The following PRR16 variants were observed in gnomAD, a reference collection of about 807,000 sequenced individuals.
PRR16 encodes proline rich 16.
PRR16 carries 6 observed loss-of-function variants against 18.2 expected under a neutral mutation model. The observed-to-expected ratio is 0.33, with a 90% CI of 0.18 to 0.65. The LOEUF (loss-of-function observed/expected upper bound fraction) is 0.65, where lower values mean the gene tolerates loss of function less well. Ranked by LOEUF, PRR16 falls within the 30% of genes least tolerant of loss-of-function variation. The pLI is 0.74. For missense variants in PRR16, 412 were observed against 376.6 expected (o/e 1.09, Z -0.78); for synonymous variants, 151 against 147.8 (o/e 1.02, Z -0.16).
At chr5:120,667,313 T>A (rs1484686571) in intron 1 of PRR16, among the ~76,000 whole-genome samples, 1 of 146,880 alleles carries the variant, frequency 6.8e-6, no homozygotes, top group African/African-American at 2.6e-5. Context: ...CCCTTTATCA[T>A]TTTTTATTGT....
intron 1 of PRR16, among the ~76,000 whole-genome samples, chr5:120,544,423 G>A (rs1328171310): frequency 6.6e-6 from 1 of 152,022 alleles, no homozygotes; most frequent in Non-Finnish European, 1.5e-5. Context: ...TTCTATTTCA[G>A]TAGACTTCAA....
At chr5:120,568,204 G>A (rs2112730082) in intron 1 of PRR16, among the ~76,000 whole-genome samples, 1 of 152,252 alleles carries the variant, frequency 6.6e-6, no homozygotes, top group Admixed American at 6.5e-5. Flanking sequence ...ACCAGTGATT[G>A]CAAAGGCAGA....
At chr5:120,689,224 T>C (rs1561618663), downstream of PRR16, among the ~76,000 whole-genome samples, 1 of 152,220 alleles carries the variant, frequency 6.6e-6, no homozygotes, top group Non-Finnish European at 1.5e-5. Flanking sequence ...TGGAATATAT[T>C]GTACCAATAT....
At chr5:120,781,078 A>ATAAT in the PRR16 span, 2 of 152,202 alleles carry the variant, frequency 1.3e-5, no homozygotes, top group African/African-American at 4.8e-5. Flanking sequence ...TCTAATTTTC[A>ATAAT]TAATTATTAA....
intron 1 of PRR16, among the ~76,000 whole-genome samples, chr5:120,572,744 T>A (rs1172548939): frequency 6.6e-6 from 1 of 151,994 alleles, no homozygotes; most frequent in Non-Finnish European, 1.5e-5. Context: ...AATGAAGAAA[T>A]CAAGAAATAA....
At chr5:120,563,679 C>T (rs763324411) in intron 1 of PRR16, among the ~76,000 whole-genome samples, 46 of 152,290 alleles carry the variant, frequency 3.0e-4, no homozygotes, top group Non-Finnish European at 5.3e-4. Context: ...CTGTCCAAGA[C>T]TCTAGGCTTG....
the PRR16 span, among the ~76,000 whole-genome samples, chr5:120,702,962 C>T: frequency 6.6e-6 from 1 of 152,188 alleles, no homozygotes; most frequent in Non-Finnish European, 1.5e-5. Context: ...CACTAAATTT[C>T]ATGCACGTCC....
chr5:120,636,745 C>G (rs1190650235), intron 1 of PRR16, among the ~76,000 whole-genome samples: 1 of 151,854 alleles, frequency 6.6e-6, no homozygotes, highest in African/African-American at 2.4e-5. Flanking sequence ...GATCAAGAAC[C>G]CAAAAGGAAA....
At chr5:120,726,732 A>G in the PRR16 span, among the ~76,000 whole-genome samples, 1 of 152,030 alleles carries the variant, frequency 6.6e-6, no homozygotes, top group Admixed American at 6.6e-5. Context: ...GGTCATATCT[A>G]TTGCCTCTTC....
At chr5:120,491,170 C>G (rs1386462376) in intron 1 of PRR16, among the ~76,000 whole-genome samples, 1 of 152,140 alleles carries the variant, frequency 6.6e-6, no homozygotes, top group African/African-American at 2.4e-5. Context: ...CCACTACTCT[C>G]TTCAAATCTG....
intron 1 of PRR16, among the ~76,000 whole-genome samples, chr5:120,616,758 A>G (rs72792301): frequency 0.11 from 16,796 of 152,212 alleles, 1,215 homozygotes; most frequent in Non-Finnish European, 0.15. Context: ...GTGGTAACCT[A>G]CAAAGCATCC....
At chr5:120,700,325 G>C in the PRR16 span, among the ~76,000 whole-genome samples, 1 of 152,106 alleles carries the variant, frequency 6.6e-6, no homozygotes, top group African/African-American at 2.4e-5. Context: ...CGTGCTGCGG[G>C]ATGGGATATT....
chr5:120,698,951 T>C, the PRR16 span, among the ~76,000 whole-genome samples: 1 of 152,124 alleles, frequency 6.6e-6, no homozygotes, highest in Non-Finnish European at 1.5e-5. Flanking sequence ...AAGGCTAAAC[T>C]GAGGAATTAT....
chr5:120,629,856 C>T (rs190067747), intron 1 of PRR16, among the ~76,000 whole-genome samples: 1 of 151,062 alleles, frequency 6.6e-6, no homozygotes, highest in East Asian at 1.9e-4. Flanking sequence ...AAATATTAAC[C>T]CATTATTTTC....
At chr5:120,780,288 T>C in the PRR16 span, among the ~76,000 whole-genome samples, 1 of 152,216 alleles carries the variant, frequency 6.6e-6, no homozygotes, top group Admixed American at 6.5e-5. Flanking sequence ...GGAAGTACTA[T>C]AGAATTGCAC....
rs181398167 is a variant in PRR16, at chr5:120,492,788, G to T, written c.159+28143G>T. 1.4e-3 allele frequency among the ~76,000 whole-genome samples: 206 copies of T among 152,180 alleles called. 2 individuals carry two copies. Among genetic ancestry groups the T allele is most frequent in the African/African-American group, 4.7e-3 (196 of 41,524 alleles). On this transcript the variant is annotated intron_variant, in intron 1 of 1. Coordinates refer to ENST00000407149, the MANE Select transcript of PRR16 (RefSeq NM_001300783.2). ...TGGGGTCCTCATAGCTTAGATCCCA[G>T]TTATAAGTGAGGACATATGGTATTT...
At chr5:120,611,564 T>G (rs1754334880) in intron 1 of PRR16, among the ~76,000 whole-genome samples, 1 of 152,192 alleles carries the variant, frequency 6.6e-6, no homozygotes, top group Admixed American at 6.5e-5. Flanking sequence ...GCTCAAACTG[T>G]GGCTTCAGAG....
chr5:120,758,396 C>T, the PRR16 span, among the ~76,000 whole-genome samples: 12 of 152,042 alleles, frequency 7.9e-5, no homozygotes, highest in Admixed American at 7.9e-4. Context: ...TATATGATCT[C>T]TTCAAGAAAT....
At position 120,589,790 on chromosome 5, in the gene PRR16, C is replaced by T. The variant is rs551013907; in HGVS notation, c.160-96164C>T. Among the ~76,000 whole-genome samples the T allele has an allele frequency of 4.3e-4, 66 of 152,130 alleles. 1 individual carries two copies. Among genetic ancestry groups the T allele is most frequent in the Non-Finnish European group, 7.9e-4 (54 of 67,984 alleles). The stretch of plus-strand genomic sequence containing the variant: ...CTCCCACCAGGTCCCTCCTGCAACA[C>T]GTAGGAATTATGGGAATACAATTCA... On this transcript the variant is annotated intron_variant, in intron 1 of 1. Coordinates refer to ENST00000407149, the MANE Select transcript of PRR16 (RefSeq NM_001300783.2).
Sources: gnomAD v4.1 joint callset for allele counts (sites outside exome capture counted in the v4.1 genomes callset) on GRCh38, gnomAD v4.1.1 for gene constraint, MANE v1.5 for transcripts, NCBI Gene and HGNC (gene_info 2026-07-23, HGNC 2026-07-21) for gene names.